TGFBR3: variants seen among roughly 807,000 people sequenced by gnomAD.
TGFBR3 encodes transforming growth factor beta receptor type 3.
A neutral mutation model predicts 87.9 loss-of-function variants in TGFBR3; 46 were observed. The ratio of observed to expected loss-of-function variants is 0.52; its 90% CI spans 0.41 to 0.67. The LOEUF is 0.67. Among genes scored for constraint, TGFBR3 ranks in the 30% least tolerant of loss-of-function variants. The probability of loss-of-function intolerance (pLI) is 0.00; values close to 1 mark genes in which losing one functional copy is unlikely to be tolerated. For missense variants in TGFBR3, 866 were observed against 1,041.9 expected (o/e 0.83, Z 2.32); for synonymous variants, 381 against 391.6 (o/e 0.97, Z 0.32).
intron 2 of TGFBR3, among the ~76,000 whole-genome samples, chr1:91,801,328 C>A (rs1259691093): frequency 6.6e-6 from 1 of 152,100 alleles, no homozygotes; most frequent in East Asian, 1.9e-4. Flanking sequence ...TCCTGAAGTG[C>A]CCGGCCTTGC....
At chr1:91,696,849 T>C (rs1025535632) in intron 15 of TGFBR3, among the ~76,000 whole-genome samples, 3 of 152,270 alleles carry the variant, frequency 2.0e-5, no homozygotes, top group East Asian at 1.9e-4. Flanking sequence ...TTTTTTACAT[T>C]GAAGACTGCC....
rs145149335 is a variant in TGFBR3, at chr1:91,682,694, T to A, written c.*1045A>T. 3 of 453,968 alleles carry A rather than the reference T, an allele frequency of 6.6e-6. No individual in the cohort carries two copies. The highest frequency in any genetic ancestry group is 8.8e-6 in the Non-Finnish European group (2 of 226,756). 28.1% of individuals were successfully genotyped at this position (453,968 alleles called of 1,614,324 possible). ...ACAGTTTGGTTTTTATGAAAGGGCC[T>A]ATTTTTTTTTAAGTTGACATATTTT... is the stretch of plus-strand genomic sequence containing the variant. On this transcript the variant is annotated 3_prime_UTR_variant, in exon 17 of 17. Transcript: ENST00000212355.
intron 1 of TGFBR3, among the ~76,000 whole-genome samples, chr1:91,902,639 GGTCTC>G (rs1679757550): frequency 3.4e-5 from 5 of 148,110 alleles, no homozygotes; most frequent in African/African-American, 1.2e-4. Context: ...CATCTTTTTA[GGTCTC>G]TGAACACCCA....
intron 13 of TGFBR3, 131 bp from the exon 14 acceptor site, chr1:91,708,914 G>T: frequency 7.5e-7 from 1 of 1,332,842 alleles, no homozygotes. Flanking sequence ...AAGCAAGAAG[G>T]TGGGTGTTTT....
intron 2 of TGFBR3, among the ~76,000 whole-genome samples, chr1:91,837,314 C>T (rs1236404429): frequency 2.0e-5 from 3 of 152,046 alleles, no homozygotes; most frequent in Admixed American, 2.0e-4. Context: ...GGCATGATCT[C>T]GGCTCACTGC....
At chr1:91,819,010 G>C (rs1433020847) in intron 2 of TGFBR3, among the ~76,000 whole-genome samples, 1 of 152,142 alleles carries the variant, frequency 6.6e-6, no homozygotes, top group Non-Finnish European at 1.5e-5. Context: ...ATTCCAAAAG[G>C]CTGTTCACAC....
intron 3 of TGFBR3, among the ~76,000 whole-genome samples, chr1:91,764,317 CAAAAAAAA>C (rs200776741): frequency 1.3e-5 from 1 of 77,394 alleles, no homozygotes; most frequent in Non-Finnish European, 2.3e-5. Flanking sequence ...ACAAAAGAGA[CAAAAAAAA>C]AAAAAAAAAA....
intron 15 of TGFBR3, 72 bp downstream of exon 15, chr1:91,698,017 A>G (rs1671490116): frequency 6.9e-7 from 1 of 1,442,966 alleles, no homozygotes; most frequent in East Asian, 2.3e-5. Flanking sequence ...AGTTTGGCAA[A>G]TGTTCACTAA....
Position 91,719,873 on chromosome 1 carries a change from C to G in TGFBR3, c.1413+20G>C. The G allele has an allele frequency of 6.2e-7, 1 of 1,613,630 alleles. No homozygotes were observed. Among genetic ancestry groups the G allele is most frequent in the Middle Eastern group, 1.7e-4 (1 of 6,056 alleles). The stretch of plus-strand genomic sequence containing the variant: ...GAAAGGAGGTAGCCTCTCTTCCCTC[C>G]TGTAATCAGCTGCACCGACCTGAAA... On this transcript the variant is annotated intron_variant, in intron 9 of 16. Transcript: ENST00000212355.
chr1:91,777,918 C>T (rs1674624137), intron 3 of TGFBR3, among the ~76,000 whole-genome samples: 1 of 152,160 alleles, frequency 6.6e-6, no homozygotes, highest in African/African-American at 2.4e-5. Context: ...TGGAGAGAGG[C>T]CTCCACTCAA....
chr1:91,832,385 A>G (rs1241850612), intron 2 of TGFBR3, among the ~76,000 whole-genome samples: 1 of 152,028 alleles, frequency 6.6e-6, no homozygotes, highest in Non-Finnish European at 1.5e-5. Flanking sequence ...TCCCCATTAT[A>G]TGACCCTCAA....
At chr1:91,837,147 C>T (rs551874402) in intron 2 of TGFBR3, among the ~76,000 whole-genome samples, 6 of 152,140 alleles carry the variant, frequency 3.9e-5, no homozygotes, top group African/African-American at 1.2e-4. Flanking sequence ...TTTGTAAATA[C>T]AGACCTAATA....
chr1:91,746,899 T>C (rs1310212659), intron 4 of TGFBR3, among the ~76,000 whole-genome samples: 1 of 152,120 alleles, frequency 6.6e-6, no homozygotes, highest in Non-Finnish European at 1.5e-5. Flanking sequence ...TCCATCGCTG[T>C]GGAAGAGTCA....
rs148167041 is a variant in TGFBR3, at chr1:91,712,372, C to A, written c.2037G>T (p.Pro679=). 1 of 1,614,128 alleles carries A rather than the reference C, an allele frequency of 6.2e-7. No individual in the cohort carries two copies. Among genetic ancestry groups the A allele is most frequent in the South Asian group, 1.1e-5 (1 of 91,078 alleles). ...ATCGCTTCTTATCCATGTCAGCTTGCGGGATAGGAAAGTGCACTCTCTTGG... is the reference window on the plus strand; with the variant it reads ...ATCGCTTCTTATCCATGTCAGCTTGAGGGATAGGAAAGTGCACTCTCTTGG... ...YSPKRVHFPI[P]QADMDKKRFS... Residue 679 remains proline, a synonymous_variant, in exon 13 of 17, where the codon CCG becomes CCT. Transcript: ENST00000212355.
chr1:91,776,350 A>G (rs762813575), intron 3 of TGFBR3, among the ~76,000 whole-genome samples: 8 of 152,198 alleles, frequency 5.3e-5, no homozygotes, highest in Non-Finnish European at 1.0e-4. Context: ...ATAAATAATG[A>G]TTTCATTATT....
intron 3 of TGFBR3, among the ~76,000 whole-genome samples, chr1:91,789,040 G>A (rs1571511764): frequency 1.3e-5 from 2 of 152,198 alleles, no homozygotes; most frequent in African/African-American, 4.8e-5. Flanking sequence ...GCTCACGCCT[G>A]TAATCCCAGC....
intron 2 of TGFBR3, among the ~76,000 whole-genome samples, chr1:91,853,207 A>G (rs555359079): frequency 1.6e-4 from 24 of 151,166 alleles, no homozygotes; most frequent in African/African-American, 5.4e-4. Flanking sequence ...GCTAAAAACA[A>G]TAATAATCAC....
At chr1:91,869,757 C>T (rs1281076487) in intron 1 of TGFBR3, among the ~76,000 whole-genome samples, 1 of 152,226 alleles carries the variant, frequency 6.6e-6, no homozygotes, top group Non-Finnish European at 1.5e-5. Flanking sequence ...CAGGCATCCT[C>T]AAAGGAAAAG....
At chr1:91,761,044 CAA>C (rs879543619) in intron 3 of TGFBR3, among the ~76,000 whole-genome samples, 1 of 152,172 alleles carries the variant, frequency 6.6e-6, no homozygotes, top group Non-Finnish European at 1.5e-5. Context: ...CATAATGATG[CAA>C]AGACTAGTAA....
Sources: gnomAD v4.1 joint callset for allele counts (sites outside exome capture counted in the v4.1 genomes callset) on GRCh38, gnomAD v4.1.1 for gene constraint, MANE v1.5 for transcripts, NCBI Gene and HGNC (gene_info 2026-07-23, HGNC 2026-07-21) for gene names.